The following CISTR variants were observed in gnomAD, a reference collection of about 807,000 sequenced individuals.
CISTR encodes chondrogenesis-associated transcript, also known as chondrogenic regulator lncRNA.
At chr12:53,753,202 A>C (rs1215923576) in intron 1 of CISTR, among the ~76,000 whole-genome samples, 1 of 152,166 alleles carries the variant, frequency 6.6e-6, no homozygotes, top group Non-Finnish European at 1.5e-5. Flanking sequence ...ACTCCTAAGA[A>C]GCAGAATCAG....
At chr12:53,755,344 G>GT (rs1593111621) in intron 1 of CISTR, among the ~76,000 whole-genome samples, 2 of 109,750 alleles carry the variant, frequency 1.8e-5, no homozygotes, top group Non-Finnish European at 3.9e-5. Flanking sequence ...TGTGTGTGTG[G>GT]TAGGAAATGT....
At chr12:53,753,377 T>A (rs1430493256) in intron 1 of CISTR, among the ~76,000 whole-genome samples, 2 of 152,088 alleles carry the variant, frequency 1.3e-5, no homozygotes, top group African/African-American at 4.8e-5. Context: ...GGGCATGCCC[T>A]CAACAAAGGC....
At chr12:53,748,985 TGTG>T (rs1267191669) in intron 2 of CISTR, among the ~76,000 whole-genome samples, 1 of 150,682 alleles carries the variant, frequency 6.6e-6, no homozygotes, top group Non-Finnish European at 1.5e-5. Flanking sequence ...GTGTGTGTGT[TGTG>T]TGTGTGTGTG....
intron 2 of CISTR, among the ~76,000 whole-genome samples, chr12:53,748,171 G>A (rs913109381): frequency 3.9e-5 from 6 of 152,164 alleles, no homozygotes; most frequent in Non-Finnish European, 8.8e-5. Context: ...GTTCGATGAG[G>A]AGGAGAATGC....
Position 53,756,244 on chromosome 12 carries a change from G to GT in CISTR, n.414+569dup, listed in dbSNP as rs1179990922. 6.6e-6 allele frequency among the ~76,000 whole-genome samples: 1 copy of GT among 152,144 alleles called. No individual in the cohort carries two copies. Among genetic ancestry groups the GT allele is most frequent in the African/African-American group, 2.4e-5 (1 of 41,428 alleles). On this transcript the variant is annotated intron_variant and non_coding_transcript_variant, in intron 1 of 2. Coordinates refer to ENST00000669269, the Ensembl canonical transcript of CISTR. The surrounding 1 kb of genome is among the most constrained non-coding windows in gnomAD (Gnocchi z 4.0). ...ACCATCCCCTTTTCTGGCTCTCGAG[G>GT]TAAGTTCTTTGGGGATGAAGCACCT... is the stretch of plus-strand genomic sequence containing the variant.
intron 2 of CISTR, among the ~76,000 whole-genome samples, chr12:53,749,504 C>T (rs1937821998): frequency 6.6e-6 from 1 of 151,670 alleles, no homozygotes; most frequent in African/African-American, 2.4e-5. Context: ...GATGAAACAA[C>T]CCTGCAGTGA....
intron 2 of CISTR, among the ~76,000 whole-genome samples, chr12:53,748,363 G>A (rs527252948): frequency 2.0e-5 from 3 of 152,180 alleles, no homozygotes; most frequent in South Asian, 2.1e-4. Context: ...GGGAGATGAC[G>A]GACACACAGA....
At chr12:53,753,551 A>G (rs1937880759) in intron 1 of CISTR, among the ~76,000 whole-genome samples, 1 of 152,190 alleles carries the variant, frequency 6.6e-6, no homozygotes, top group Non-Finnish European at 1.5e-5. Flanking sequence ...AGCAGGGAGC[A>G]GCAAAACTGA....
intron 2 of CISTR, among the ~76,000 whole-genome samples, chr12:53,749,682 G>A (rs1011494646): frequency 6.6e-6 from 1 of 152,068 alleles, no homozygotes; most frequent in East Asian, 1.9e-4. Context: ...TTTCTCTTTG[G>A]GGATCACCTT....
intron 1 of CISTR, among the ~76,000 whole-genome samples, chr12:53,752,961 CT>C (rs1445991494): frequency 3.9e-5 from 6 of 151,914 alleles, no homozygotes; most frequent in African/African-American, 1.4e-4. Context: ...TGCAGTGGAT[CT>C]AGGAGTCCAG....
Position 53,748,309 on chromosome 12 carries a change from C to T in CISTR, n.1064-1461G>A, listed in dbSNP as rs544702334. On this transcript the variant is annotated intron_variant and non_coding_transcript_variant, in intron 2 of 2. Transcript: ENST00000669269. ...GCCCTCCGCGCCAGCGCCCCCCCAA[C>T]TCCATCCCCAACACTGCGGGGCAGG... is the stretch of plus-strand genomic sequence containing the variant. Among the ~76,000 whole-genome samples the T allele has an allele frequency of 3.9e-5, 6 of 152,336 alleles. No homozygotes were observed. In the South Asian group the frequency reaches 1.2e-3, roughly 32 times the overall value.
In CISTR at chr12:53,751,558, C is replaced by T. The variant is rs903935254; in HGVS notation, n.415-593G>A. On this transcript the variant is annotated intron_variant and non_coding_transcript_variant, in intron 1 of 2. Transcript: ENST00000669269. The surrounding 1 kb of genome is among the most constrained non-coding windows in gnomAD (Gnocchi z 4.6). ...GAGGCGCGCAGGACTCCCTGGTGGG[C>T]CCTCAGCCTCCTCCGCGCGGCGCGG... Among the ~76,000 whole-genome samples the T allele has an allele frequency of 3.9e-5, 6 of 152,180 alleles. No homozygotes were observed. Among genetic ancestry groups the T allele is most frequent in the Admixed American group, 3.9e-4 (6 of 15,280 alleles).
In CISTR at chr12:53,747,031, G is replaced by A. The variant is rs145559771; in HGVS notation, n.1064-183C>T. ...GTTCTGGTTTTGGAAAGTGGATAGT[G>A]GAGACAAGGGGCCGAGATTGAACAG... is the stretch of plus-strand genomic sequence containing the variant. On this transcript the variant is annotated intron_variant and non_coding_transcript_variant, in intron 2 of 2. Coordinates refer to ENST00000669269, the Ensembl canonical transcript of CISTR. Among the ~76,000 whole-genome samples the A allele has an allele frequency of 1.3e-4, 20 of 152,322 alleles. No individual in the cohort carries two copies. In the East Asian group the frequency reaches 3.5e-3, roughly 26 times the overall value.
At chr12:53,749,219 G>C (rs1314636276) in intron 2 of CISTR, among the ~76,000 whole-genome samples, 1 of 151,918 alleles carries the variant, frequency 6.6e-6, no homozygotes, top group African/African-American at 2.4e-5. Flanking sequence ...TATTGAAAAA[G>C]GGAGTAGAGA....
At chr12:53,748,409 T>C (rs1937806630) in intron 2 of CISTR, among the ~76,000 whole-genome samples, 1 of 151,444 alleles carries the variant, frequency 6.6e-6, no homozygotes, top group Non-Finnish European at 1.5e-5. Flanking sequence ...GAAGCCAAGA[T>C]GGACAGAGTG....
At position 53,756,650 on chromosome 12, in the gene CISTR, G is replaced by A. The variant is rs1937916511; in HGVS notation, n.414+164C>T. ...TGTAAGTGGTGAGCTGGTGTGGCTGGGATTTAGCTAACTCTCATGATTCAC... is the reference window on the plus strand; with the variant it reads ...TGTAAGTGGTGAGCTGGTGTGGCTGAGATTTAGCTAACTCTCATGATTCAC... On this transcript the variant is annotated intron_variant and non_coding_transcript_variant, in intron 1 of 2. Transcript: ENST00000669269. The surrounding 1 kb of genome is among the most constrained non-coding windows in gnomAD (Gnocchi z 4.0). Among the ~76,000 whole-genome samples the A allele has an allele frequency of 6.6e-6, 1 of 151,758 alleles. No individual in the cohort carries two copies. The highest frequency in any genetic ancestry group is 1.5e-5 in the Non-Finnish European group (1 of 67,950).
intron 1 of CISTR, among the ~76,000 whole-genome samples, chr12:53,755,311 G>GTA (rs1937902556): frequency 8.6e-6 from 1 of 116,556 alleles, no homozygotes; most frequent in African/African-American, 3.7e-5. Context: ...TGTTTGGGGT[G>GTA]TGTGTGTGTG....
chr12:53,752,379 C>T (rs934592969), intron 1 of CISTR, among the ~76,000 whole-genome samples: 5 of 152,182 alleles, frequency 3.3e-5, no homozygotes, highest in African/African-American at 1.2e-4. Context: ...GCTGGCCCTC[C>T]GGCTCTGCCG....
chr12:53,752,954 A>G (rs1937872274), intron 1 of CISTR, among the ~76,000 whole-genome samples: 1 of 151,812 alleles, frequency 6.6e-6, no homozygotes, highest in Non-Finnish European at 1.5e-5. Flanking sequence ...TGGGGGCTGC[A>G]GTGGATCTAG....
Sources: gnomAD v4.1 joint callset for allele counts (sites outside exome capture counted in the v4.1 genomes callset) on GRCh38, gnomAD v4.1.1 for gene constraint, Gnocchi (gnomAD v3.1) non-coding constraint, MANE v1.5 for transcripts, NCBI Gene and HGNC (gene_info 2026-07-23, HGNC 2026-07-21) for gene names.